MAGI2: variants seen among roughly 807,000 people sequenced by gnomAD.
The protein encoded by MAGI2 is membrane-associated guanylate kinase, WW and PDZ domain-containing protein 2.
In MAGI2, 35 loss-of-function variants were observed where a neutral mutation model predicts 133.3. That is an observed-to-expected ratio of 0.26 (90% confidence interval 0.20 to 0.35). The LOEUF is 0.35. Ranked by LOEUF, MAGI2 falls within the 10% of genes least tolerant of loss-of-function variation. The probability of loss-of-function intolerance (pLI) is 1.00; values close to 1 mark genes in which losing one functional copy is unlikely to be tolerated. For missense variants in MAGI2, 1,636 were observed against 1,863.4 expected, an observed-to-expected ratio of 0.88 and a Z score of 2.25; for synonymous variants, 729 against 710.6, an observed-to-expected ratio of 1.03 and a Z score of -0.41.
At position 79,452,988 on chromosome 7, in the gene MAGI2, C is replaced by T. The variant is rs201773610; in HGVS notation, c.301+32G>A. 55 of 1,514,666 alleles carry T rather than the reference C, an allele frequency of 3.6e-5. No homozygotes were observed. In the Admixed American group the frequency reaches 1.1e-3, roughly 30 times the overall value. The allele number at this position is 1,514,666 out of a possible 1,614,324, so 93.8% of individuals were successfully genotyped here. A position where few individuals can be genotyped will look rare whatever the true frequency, so the allele number is the denominator to read the frequency against. On this transcript the variant is annotated intron_variant, in intron 1 of 21. Coordinates refer to ENST00000354212, the MANE Select transcript of MAGI2 (RefSeq NM_012301.4). ...CTGCGCCCCGAGCGGTCCCACCGCCCGGCAAAACACTGAGCAAGCCGCTGC... is the reference window on the plus strand; with the variant it reads ...CTGCGCCCCGAGCGGTCCCACCGCCTGGCAAAACACTGAGCAAGCCGCTGC...
chr7:78,741,531 G>A (rs1056074177), intron 2 of MAGI2, among the ~76,000 whole-genome samples: 13 of 151,300 alleles, frequency 8.6e-5, no homozygotes, highest in Middle Eastern at 6.8e-3. Flanking sequence ...ATTCCAGACT[G>A]CAGACTTATT....
intron 7 of MAGI2, among the ~76,000 whole-genome samples, chr7:78,359,889 T>C (rs1187649932): frequency 2.0e-5 from 3 of 152,170 alleles, no homozygotes; most frequent in Admixed American, 2.0e-4. Flanking sequence ...ATTTAACAAA[T>C]AAAAGCCAGA....
At chr7:78,823,350 G>T (rs557241731) in intron 2 of MAGI2, among the ~76,000 whole-genome samples, 3 of 152,062 alleles carry the variant, frequency 2.0e-5, no homozygotes, top group African/African-American at 7.2e-5. Flanking sequence ...TTGGGAGGCC[G>T]AGGCGGGTGG....
intron 2 of MAGI2, among the ~76,000 whole-genome samples, chr7:78,860,586 G>A (rs572965926): frequency 7.9e-5 from 12 of 152,266 alleles, no homozygotes; most frequent in African/African-American, 2.9e-4. Context: ...AGATGTTGCT[G>A]CCTGATCCTT....
intron 2 of MAGI2, among the ~76,000 whole-genome samples, chr7:78,628,695 GTTATT>G (rs1563264534): frequency 6.7e-6 from 1 of 149,974 alleles, no homozygotes; most frequent in African/African-American, 2.5e-5. Context: ...CCCTGAATTG[GTTATT>G]TTGTTTAGCT....
At chr7:78,449,173 T>A (rs1252282897) in intron 6 of MAGI2, among the ~76,000 whole-genome samples, 1 of 152,106 alleles carries the variant, frequency 6.6e-6, no homozygotes, top group Non-Finnish European at 1.5e-5. Flanking sequence ...ATAAGGGCTA[T>A]GGAAACATGT....
chr7:78,636,784 C>A (rs1036579266), intron 2 of MAGI2, among the ~76,000 whole-genome samples: 2 of 151,970 alleles, frequency 1.3e-5, no homozygotes, highest in African/African-American at 2.4e-5. Flanking sequence ...GGTGACAGAG[C>A]AAGACTCCAT....
At chr7:78,172,522 A>G (rs1309537113) in intron 14 of MAGI2, among the ~76,000 whole-genome samples, 1 of 152,222 alleles carries the variant, frequency 6.6e-6, no homozygotes, top group African/African-American at 2.4e-5. Context: ...CTTTCTGGCA[A>G]CTTTTCACTT....
chr7:79,255,526 G>C (rs1249083655), intron 1 of MAGI2, among the ~76,000 whole-genome samples: 1 of 152,170 alleles, frequency 6.6e-6, no homozygotes, highest in Non-Finnish European at 1.5e-5. Flanking sequence ...ATCACACAAT[G>C]ATTTAGAGAA....
chr7:78,878,470 TGTAA>T (rs1795593784), intron 2 of MAGI2, among the ~76,000 whole-genome samples: 1 of 152,248 alleles, frequency 6.6e-6, no homozygotes, highest in Admixed American at 6.5e-5. Context: ...GTATGTGGAA[TGTAA>T]AAATTCACAT....
chr7:78,900,025 A>G (rs1563642001), intron 2 of MAGI2, among the ~76,000 whole-genome samples: 1 of 152,178 alleles, frequency 6.6e-6, no homozygotes, highest in Admixed American at 6.5e-5. Context: ...TCCATTTACT[A>G]AAGTGAAAGG....
At chr7:79,317,729 G>A (rs973618357) in intron 1 of MAGI2, among the ~76,000 whole-genome samples, 1 of 152,122 alleles carries the variant, frequency 6.6e-6, no homozygotes, top group Admixed American at 6.6e-5. Context: ...ATACTGGACA[G>A]CACAGGTGTA....
intron 2 of MAGI2, among the ~76,000 whole-genome samples, chr7:78,706,967 G>T (rs1818713687): frequency 6.6e-6 from 1 of 152,040 alleles, no homozygotes; most frequent in African/African-American, 2.4e-5. Context: ...GGAATGACTT[G>T]GCCCTCCAGA....
intron 1 of MAGI2, among the ~76,000 whole-genome samples, chr7:79,078,255 A>C (rs1224321361): frequency 2.0e-5 from 3 of 151,786 alleles, no homozygotes; most frequent in Non-Finnish European, 4.4e-5. Context: ...TGTTCTCCAC[A>C]GAGTTCTTAG....
chr7:79,286,227 T>C (rs1001053284), intron 1 of MAGI2, among the ~76,000 whole-genome samples: 1 of 151,980 alleles, frequency 6.6e-6, no homozygotes, highest in Non-Finnish European at 1.5e-5. Flanking sequence ...ATGGAAGTAA[T>C]AAATATAAGT....
intron 9 of MAGI2, among the ~76,000 whole-genome samples, chr7:78,310,941 G>C (rs1261687129): frequency 6.6e-6 from 1 of 152,180 alleles, no homozygotes; most frequent in Non-Finnish European, 1.5e-5. Context: ...TCGAAGTAAA[G>C]ATCAAAGGTG....
intron 2 of MAGI2, among the ~76,000 whole-genome samples, chr7:78,823,160 T>A (rs1038916547): frequency 6.6e-6 from 1 of 152,198 alleles, no homozygotes; most frequent in African/African-American, 2.4e-5. Context: ...GATCTTATTT[T>A]AAATAGATAA....
intron 6 of MAGI2, among the ~76,000 whole-genome samples, chr7:78,387,744 T>A (rs952148946): frequency 3.3e-5 from 5 of 152,000 alleles, no homozygotes; most frequent in African/African-American, 1.2e-4. Context: ...CTAGGCAACA[T>A]GGTGAAACCC....
chr7:78,173,323 C>A (rs949816258), intron 14 of MAGI2, among the ~76,000 whole-genome samples: 4 of 152,174 alleles, frequency 2.6e-5, no homozygotes, highest in Non-Finnish European at 4.4e-5. Flanking sequence ...TGCTTCTGCA[C>A]CAGGCAAAGT....
Sources: allele counts gnomAD v4.1 joint callset (sites outside exome capture counted in the v4.1 genomes callset), GRCh38; gene constraint gnomAD v4.1.1; transcripts MANE v1.5; gene names NCBI Gene and HGNC (gene_info 2026-07-23, HGNC 2026-07-21).